Variants in CRADD observed in about 807,000 individuals in gnomAD.
CRADD encodes CARD and death domain containing adaptor protein.
Under a neutral mutation model 15.5 loss-of-function variants are expected in CRADD, and 9 were observed. That is an observed-to-expected ratio of 0.58 (90% confidence interval 0.35 to 1.01). The LOEUF (loss-of-function observed/expected upper bound fraction) is 1.01, where lower values mean the gene tolerates loss of function less well. Ranked by LOEUF, CRADD falls within the 50% of genes least tolerant of loss-of-function variation. The pLI, the probability that CRADD is intolerant of heterozygous loss-of-function variation, is 0.02. For missense variants in CRADD, 227 were observed against 250.3 expected, an observed-to-expected ratio of 0.91 and a Z score of 0.63; for synonymous variants, 118 against 107.6, an observed-to-expected ratio of 1.10 and a Z score of -0.60.
intron 2 of CRADD, among the ~76,000 whole-genome samples, chr12:93,720,932 G>A (rs1038253992): frequency 6.6e-6 from 1 of 152,102 alleles, no homozygotes; most frequent in African/African-American, 2.4e-5. Flanking sequence ...TGGGTATATA[G>A]TTGGATACCT....
chr12:93,878,651 A>G (rs2137071344), intron 2 of CRADD, among the ~76,000 whole-genome samples: 1 of 152,236 alleles, frequency 6.6e-6, no homozygotes, highest in Admixed American at 6.5e-5. Flanking sequence ...GGTTTGTGGG[A>G]ACTCAAGTTC....
intron 2 of CRADD, among the ~76,000 whole-genome samples, chr12:93,865,405 C>A (rs1263541649): frequency 6.6e-6 from 1 of 152,134 alleles, no homozygotes; most frequent in Non-Finnish European, 1.5e-5. Context: ...TAACCTACCA[C>A]ATCCTCTTGT....
At chr12:93,707,162 G>C (rs1474979771) in intron 2 of CRADD, among the ~76,000 whole-genome samples, 1 of 152,192 alleles carries the variant, frequency 6.6e-6, no homozygotes, top group Non-Finnish European at 1.5e-5. Context: ...ACCTCAGACT[G>C]TGTCCGTCTG....
At chr12:93,862,551 T>C (rs992114834) in intron 2 of CRADD, among the ~76,000 whole-genome samples, 1 of 152,154 alleles carries the variant, frequency 6.6e-6, no homozygotes, top group African/African-American at 2.4e-5. Context: ...TTAGGATGCC[T>C]AGGAGGAGCC....
chr12:93,695,241 G>A (rs1393071146), intron 2 of CRADD, among the ~76,000 whole-genome samples: 2 of 152,120 alleles, frequency 1.3e-5, no homozygotes, highest in African/African-American at 4.8e-5. Context: ...TTCAATAAAT[G>A]GTGTTGGAAC....
chr12:93,679,447 T>C (rs1168249483), intron 2 of CRADD, among the ~76,000 whole-genome samples: 1 of 152,192 alleles, frequency 6.6e-6, no homozygotes, highest in African/African-American at 2.4e-5. Context: ...TAGCCAGAAC[T>C]ATGCCCTTTG....
At chr12:93,701,830 C>G (rs1023763531) in intron 2 of CRADD, among the ~76,000 whole-genome samples, 1 of 151,870 alleles carries the variant, frequency 6.6e-6, no homozygotes, top group Non-Finnish European at 1.5e-5. Context: ...TGCCTGAGCT[C>G]TTTTTTTTGG....
chr12:93,838,937 T>C (rs1426603624), intron 2 of CRADD, among the ~76,000 whole-genome samples: 1 of 151,570 alleles, frequency 6.6e-6, no homozygotes, highest in Non-Finnish European at 1.5e-5. Context: ...TAATTTTTTG[T>C]ATTAATTTTT....
At chr12:93,726,118 T>TC (rs1555218875) in intron 2 of CRADD, among the ~76,000 whole-genome samples, 2 of 136,782 alleles carry the variant, frequency 1.5e-5, no homozygotes, top group African/African-American at 2.7e-5. Context: ...TTTTTTTTTT[T>TC]CTTGAGATGG....
intron 2 of CRADD, among the ~76,000 whole-genome samples, chr12:93,705,751 A>G (rs1955934920): frequency 6.6e-6 from 1 of 152,232 alleles, no homozygotes; most frequent in African/African-American, 2.4e-5. Flanking sequence ...CATGATTTAT[A>G]TCCTCAGCTT....
intron 2 of CRADD, among the ~76,000 whole-genome samples, chr12:93,785,751 A>T (rs957985190): frequency 4.6e-5 from 7 of 152,176 alleles, no homozygotes; most frequent in Admixed American, 3.9e-4. Flanking sequence ...TAAATCATAT[A>T]TATGTTTGGT....
At chr12:93,678,732 T>C (rs777493758) in intron 1 of CRADD, 37 bp from the exon 2 acceptor site, 1 of 1,586,622 alleles carries the variant, frequency 6.3e-7, no homozygotes, top group Non-Finnish European at 8.6e-7. Flanking sequence ...CACATCAACA[T>C]GTCTGTAATT....
intron 2 of CRADD, among the ~76,000 whole-genome samples, chr12:93,800,710 AC>A (rs1398069359): frequency 6.6e-6 from 1 of 152,102 alleles, no homozygotes. Context: ...TTCATAACTT[AC>A]CCAGTCTCAG....
intron 2 of CRADD, among the ~76,000 whole-genome samples, chr12:93,725,554 G>C (rs1182196794): frequency 1.3e-5 from 2 of 152,200 alleles, no homozygotes; most frequent in African/African-American, 4.8e-5. Flanking sequence ...TGCTGCTGGT[G>C]GTGGTGTGTG....
intron 2 of CRADD, among the ~76,000 whole-genome samples, chr12:93,767,698 C>G (rs1172641961): frequency 6.6e-6 from 1 of 152,146 alleles, no homozygotes; most frequent in Non-Finnish European, 1.5e-5. Context: ...AATTTAAAAG[C>G]CTGAATCATC....
chr12:93,708,841 A>G (rs999609755), intron 2 of CRADD: 4 of 152,264 alleles, frequency 2.6e-5, no homozygotes, highest in Non-Finnish European at 4.4e-5. Context: ...GCTTATAAAC[A>G]ATAGAAATTT....
Position 93,850,080 on chromosome 12 carries a change from T to C in CRADD, c.409T>C (p.Ser137Pro). The C allele has an allele frequency of 1.2e-6, 2 of 1,612,432 alleles. No homozygotes were observed. Among genetic ancestry groups the C allele is most frequent in the Non-Finnish European group, 1.7e-6 (2 of 1,178,454 alleles). The change falls in exon 3 of 3, where the codon TCT (serine) becomes CCT (proline). Residue 137 changes from serine to proline, a missense_variant. Transcript: ENST00000332896. The surrounding 1 kb of genome is among the most constrained non-coding windows in gnomAD (Gnocchi z 4.0). ...LGPEWEPMVL[S>P]LGLSQTDIYR... ...CCCTGAGTGGGAGCCCATGGTGCTGTCTCTGGGACTGTCCCAGACGGATAT... is the reference window on the plus strand; with the variant it reads ...CCCTGAGTGGGAGCCCATGGTGCTGCCTCTGGGACTGTCCCAGACGGATAT...
intron 2 of CRADD, among the ~76,000 whole-genome samples, chr12:93,734,606 G>A (rs905137187): frequency 3.9e-5 from 6 of 152,136 alleles, no homozygotes; most frequent in African/African-American, 1.2e-4. Context: ...ATATGTTCCC[G>A]CTGCTCTTAG....
intron 2 of CRADD, among the ~76,000 whole-genome samples, chr12:93,760,182 T>C (rs1212508418): frequency 6.6e-6 from 1 of 152,126 alleles, no homozygotes; most frequent in African/African-American, 2.4e-5. Context: ...CCAAAGGAGT[T>C]ATAATTAGGA....
Sources: gnomAD v4.1 joint callset for allele counts (sites outside exome capture counted in the v4.1 genomes callset) on GRCh38, gnomAD v4.1.1 for gene constraint, Gnocchi (gnomAD v3.1) non-coding constraint, MANE v1.5 for transcripts, NCBI Gene and HGNC (gene_info 2026-07-23, HGNC 2026-07-21) for gene names.